Variants in ARHGAP15 observed in about 807,000 individuals in gnomAD.
ARHGAP15 encodes the protein rho GTPase-activating protein 15.
A neutral mutation model predicts 63.7 loss-of-function variants in ARHGAP15; 51 were observed. That is an observed-to-expected ratio of 0.80 (90% CI 0.64 to 1.01). ARHGAP15 has a LOEUF of 1.01. ARHGAP15 is among the 50% of genes least tolerant of loss of function. The pLI is 0.00. For synonymous variants in ARHGAP15, 191 were observed against 193.8 expected (o/e 0.99, Z 0.12); for missense variants, 560 against 564.6 (o/e 0.99, Z 0.08).
intron 6 of ARHGAP15, among the ~76,000 whole-genome samples, chr2:143,397,451 A>C (rs1185703626): frequency 6.6e-6 from 1 of 151,922 alleles, no homozygotes; most frequent in Non-Finnish European, 1.5e-5. Flanking sequence ...AATTTTAAAA[A>C]TTGCTTATTA....
chr2:143,429,267 ATTTG>A (rs1436428563), intron 6 of ARHGAP15, among the ~76,000 whole-genome samples: 1 of 146,528 alleles, frequency 6.8e-6, no homozygotes, highest in African/African-American at 2.5e-5. Flanking sequence ...GGGTTTAGAT[ATTTG>A]TTAATAAACA....
intron 8 of ARHGAP15, among the ~76,000 whole-genome samples, chr2:143,467,818 G>A (rs746269137): frequency 1.5e-4 from 23 of 152,018 alleles, no homozygotes; most frequent in Admixed American, 5.9e-4. Context: ...CCATAATGAC[G>A]ATATTGGGCA....
At chr2:143,586,372 T>C (rs556913924) in intron 11 of ARHGAP15, among the ~76,000 whole-genome samples, 25 of 152,236 alleles carry the variant, frequency 1.6e-4, no homozygotes, top group African/African-American at 5.8e-4. Flanking sequence ...GCATTTGCTC[T>C]ATTCTCTTCT....
intron 10 of ARHGAP15, among the ~76,000 whole-genome samples, chr2:143,530,429 A>C (rs1694472656): frequency 6.6e-6 from 1 of 152,194 alleles, no homozygotes; most frequent in Non-Finnish European, 1.5e-5. Flanking sequence ...CTCAACAAAT[A>C]ATGTTAAATT....
At chr2:143,522,378 T>C (rs1694092548) in intron 10 of ARHGAP15, among the ~76,000 whole-genome samples, 1 of 152,194 alleles carries the variant, frequency 6.6e-6, no homozygotes. Flanking sequence ...AGTGGTTCCT[T>C]CCCGCTTGCC....
intron 11 of ARHGAP15, among the ~76,000 whole-genome samples, chr2:143,567,968 T>C (rs1356577822): frequency 6.6e-6 from 1 of 152,202 alleles, no homozygotes; most frequent in Non-Finnish European, 1.5e-5. Flanking sequence ...GCTAGTCATA[T>C]GTAGAAAGCT....
At chr2:143,740,699 T>C (rs942715208) in intron 13 of ARHGAP15, among the ~76,000 whole-genome samples, 5 of 152,074 alleles carry the variant, frequency 3.3e-5, no homozygotes, top group Non-Finnish European at 5.9e-5. Flanking sequence ...TGTCTTATTG[T>C]AGAATAAATG....
At chr2:143,319,184 TC>T (rs1308172713) in intron 6 of ARHGAP15, among the ~76,000 whole-genome samples, 1 of 151,596 alleles carries the variant, frequency 6.6e-6, no homozygotes, top group African/African-American at 2.4e-5. Flanking sequence ...TCCCTTCCAC[TC>T]CCCTCTTGTG....
At chr2:143,236,591 T>C (rs1693660467) in intron 5 of ARHGAP15, 1 of 152,288 alleles carries the variant, frequency 6.6e-6, no homozygotes, top group African/African-American at 2.4e-5. Context: ...GGCGTCGTTT[T>C]ATGATAACTC....
chr2:143,435,224 A>G, intron 6 of ARHGAP15: 1 of 989,358 alleles, frequency 1.0e-6, no homozygotes, highest in Non-Finnish European at 1.2e-6. Context: ...ACAGACAGGA[A>G]AGAGGCAAAC....
At position 143,343,069 on chromosome 2, in the gene ARHGAP15, C is replaced by A. The variant is rs372828037; in HGVS notation, c.474+92469C>A. Reference sequence around the variant, plus strand: ...TGTTCTCAGTTCCTACAACCTACAACAAGCTTCATAAGTATTTAGAGAGTG... The same window carrying A: ...TGTTCTCAGTTCCTACAACCTACAAAAAGCTTCATAAGTATTTAGAGAGTG... On this transcript the variant is annotated intron_variant, in intron 6 of 13. Transcript: ENST00000295095. Among the ~76,000 whole-genome samples the A allele has an allele frequency of 1.1e-3, 167 of 152,176 alleles. 1 individual carries two copies. The highest frequency in any genetic ancestry group is 3.9e-3 in the African/African-American group (164 of 41,524).
At chr2:143,612,104 A>G (rs909313237) in intron 11 of ARHGAP15, among the ~76,000 whole-genome samples, 3 of 152,180 alleles carry the variant, frequency 2.0e-5, no homozygotes, top group Non-Finnish European at 4.4e-5. Flanking sequence ...CAATTCTTTC[A>G]CATCTAACAG....
intron 13 of ARHGAP15, among the ~76,000 whole-genome samples, chr2:143,705,504 G>A (rs773020126): frequency 4.6e-5 from 7 of 152,070 alleles, no homozygotes; most frequent in African/African-American, 1.4e-4. Context: ...CATATAAAAC[G>A]CCTGGCACAA....
At chr2:143,298,640 G>C (rs1682756189) in intron 6 of ARHGAP15, among the ~76,000 whole-genome samples, 2 of 151,778 alleles carry the variant, frequency 1.3e-5, no homozygotes, top group African/African-American at 4.8e-5. Flanking sequence ...ACTACTTTTA[G>C]GAAAAGATTT....
chr2:143,256,260 A>G (rs186856648), intron 6 of ARHGAP15, among the ~76,000 whole-genome samples: 2 of 152,212 alleles, frequency 1.3e-5, no homozygotes, highest in African/African-American at 4.8e-5. Context: ...GAAATTCCAG[A>G]TATGAATTTT....
rs574209858 is a variant in ARHGAP15, at chr2:143,175,939, T to C, written c.165+20284T>C. Among the ~76,000 whole-genome samples the C allele has an allele frequency of 3.3e-5, 5 of 152,322 alleles. No homozygotes were observed. The South Asian group carries it at 8.3e-4, about 25-fold the overall frequency. On this transcript the variant is annotated intron_variant, in intron 2 of 13. Transcript: ENST00000295095. ...AAAATAAAGTGATATAATTGAATAG[T>C]ATAATATACATAATACTTGAAAGAA...
intron 6 of ARHGAP15, among the ~76,000 whole-genome samples, chr2:143,305,902 T>A (rs759725743): frequency 2.8e-4 from 43 of 152,086 alleles, no homozygotes; most frequent in Non-Finnish European, 7.4e-5. Flanking sequence ...AGCATGCCAA[T>A]CAAATAAAAC....
chr2:143,479,424 A>G (rs894918372), intron 8 of ARHGAP15, among the ~76,000 whole-genome samples: 1 of 150,984 alleles, frequency 6.6e-6, no homozygotes, highest in African/African-American at 2.4e-5. Flanking sequence ...CCTGTTTTCT[A>G]TCACTAGAAG....
At chr2:143,174,798 C>A (rs1434782990) in intron 2 of ARHGAP15, among the ~76,000 whole-genome samples, 1 of 152,116 alleles carries the variant, frequency 6.6e-6, no homozygotes, top group African/African-American at 2.4e-5. Flanking sequence ...CTTTCATATT[C>A]ACATTTCCTC....
Sources: allele counts gnomAD v4.1 joint callset (sites outside exome capture counted in the v4.1 genomes callset), GRCh38; gene constraint gnomAD v4.1.1; transcripts MANE v1.5; gene names NCBI Gene and HGNC (gene_info 2026-07-23, HGNC 2026-07-21).